Variants in TRIP10 observed in about 807,000 individuals in gnomAD.
TRIP10 encodes the protein cdc42-interacting protein 4.
A neutral mutation model predicts 80.9 loss-of-function variants in TRIP10; 54 were observed. That is an observed-to-expected ratio of 0.67 (90% CI 0.54 to 0.84). The LOEUF (loss-of-function observed/expected upper bound fraction) is 0.84, where lower values mean the gene tolerates loss of function less well. Among genes scored for constraint, TRIP10 ranks in the 40% least tolerant of loss-of-function variants. The probability of loss-of-function intolerance (pLI) is 0.00; values close to 1 mark genes in which losing one functional copy is unlikely to be tolerated. For synonymous variants in TRIP10, 321 were observed against 307.2 expected, an observed-to-expected ratio of 1.04 and a Z score of -0.47; for missense variants, 773 against 815.3, an observed-to-expected ratio of 0.95 and a Z score of 0.63.
At chr19:6,750,164 G>C (rs1004099895) in intron 12 of TRIP10, 98 bp downstream of exon 12, 20 of 1,567,334 alleles carry the variant, frequency 1.3e-5, no homozygotes, top group South Asian at 2.4e-5. Flanking sequence ...TGTTCGGAGC[G>C]GGGGGTCTCC....
chr19:6,743,365 C>T lies in TRIP10; in HGVS notation c.408+109C>T. 4 of 1,528,688 alleles carry T rather than the reference C, an allele frequency of 2.6e-6. 1 individual carries two copies. The Admixed American group carries it at 7.4e-5, about 28-fold the overall frequency. 94.7% of individuals were successfully genotyped at this position (1,528,688 alleles called of 1,614,324 possible). ...TGTCAGACCTGGACCTTCCCTCCCC[C>T]ATAGGCTTCCAGTACTCCCTTGACC... On this transcript the variant is annotated intron_variant, in intron 5 of 14. Coordinates refer to ENST00000313244, the MANE Select transcript of TRIP10 (RefSeq NM_001288962.2).
intron 3 of TRIP10, among the ~76,000 whole-genome samples, chr19:6,741,724 T>A (rs897620561): frequency 2.0e-5 from 3 of 152,084 alleles, no homozygotes; most frequent in Non-Finnish European, 4.4e-5. Context: ...TGGAATTGAG[T>A]CCCCAATTCC....
At position 6,741,243 on chromosome 19, in the gene TRIP10, T is replaced by C. The variant is rs758121199; in HGVS notation, c.159T>C (p.Tyr53=). 1.4e-5 allele frequency: 23 copies of C among 1,611,986 alleles called. No homozygotes were observed. The highest frequency in any genetic ancestry group is 1.7e-4 in the Middle Eastern group (1 of 6,056). ...AKQLRSLVKK[Y]LPKRPAKDDP... is the part of the protein sequence containing the mutation. Reference sequence around the variant, plus strand: ...CCCTTAGGAGCCTGGTGAAAAAATATCTGCCCAAGAGACCTGCCAAGGATG... The same window carrying C: ...CCCTTAGGAGCCTGGTGAAAAAATACCTGCCCAAGAGACCTGCCAAGGATG... The change falls in exon 3 of 15, where the codon TAT becomes TAC. Residue 53 remains tyrosine (Y), a synonymous_variant. Transcript: ENST00000313244.
intron 5 of TRIP10, 105 bp from the exon 6 acceptor site, chr19:6,743,389 C>A: frequency 6.6e-7 from 1 of 1,515,482 alleles, no homozygotes; most frequent in Non-Finnish European, 9.1e-7. Flanking sequence ...ACTCCCTTGA[C>A]CCCTACTTAC....
At chr19:6,741,399 G>C in intron 3 of TRIP10, 118 bp downstream of exon 3, 1 of 1,177,298 alleles carries the variant, frequency 8.5e-7, no homozygotes, top group Non-Finnish European at 1.2e-6. Context: ...TTCTAGAGGT[G>C]AGAGCATGGA....
intron 11 of TRIP10, among the ~76,000 whole-genome samples, chr19:6,747,397 T>C (rs1969167861): frequency 6.6e-6 from 1 of 152,212 alleles, no homozygotes; most frequent in African/African-American, 2.4e-5. Context: ...GTGTGAAAGC[T>C]GTCAACCTCT....
rs752292965 is a variant in TRIP10, at chr19:6,743,068, T to C, written c.299T>C (p.Leu100Pro). 1 of 1,614,198 alleles carries C rather than the reference T, an allele frequency of 6.2e-7. No homozygotes were observed. Among genetic ancestry groups the C allele is most frequent in the Non-Finnish European group, 8.5e-7 (1 of 1,180,040 alleles). ...VAENLSVRVC[L>P]ELTKYSQEMK... Reference sequence around the variant, plus strand: ...GAGAACCTCAGTGTCCGTGTATGTCTTGAGCTGACCAAGTACTCACAAGAG... The same window carrying C: ...GAGAACCTCAGTGTCCGTGTATGTCCTGAGCTGACCAAGTACTCACAAGAG... Residue 100 changes from leucine to proline, a missense_variant, in exon 4 of 15, where the codon CTT (leucine) becomes CCT (proline). Transcript: ENST00000313244.
At position 6,750,288 on chromosome 19, in the gene TRIP10, C is replaced by G; in HGVS notation, c.1396-4C>G. 6.2e-7 allele frequency: 1 copy of G among 1,613,950 alleles called. No homozygotes were observed. Among genetic ancestry groups the G allele is most frequent in the South Asian group, 1.1e-5 (1 of 91,050 alleles). On this transcript the variant is annotated splice_polypyrimidine_tract_variant and splice_region_variant and intron_variant, in intron 12 of 14. Coordinates refer to ENST00000313244, the MANE Select transcript of TRIP10 (RefSeq NM_001288962.2). ...GGAACGATTTTCCTGTCCCCTCCTC[C>G]CAGGCGTGGCTGGCAGAAGCTGAAA...
At chr19:6,739,841 CT>C in intron 1 of TRIP10, 56 bp downstream of exon 1, 9 of 1,399,238 alleles carry the variant, frequency 6.4e-6, no homozygotes, top group South Asian at 3.8e-5. Flanking sequence ...AGGCACCCCC[CT>C]TTTGTCCCCA....
Position 6,741,064 on chromosome 19 carries a change from A to C in TRIP10, c.79A>C (p.Arg27=). The change falls in exon 2 of 15, where the codon AGA becomes CGA. Residue 27 remains arginine, a synonymous_variant. Coordinates refer to ENST00000313244, the MANE Select transcript of TRIP10 (RefSeq NM_001288962.2). ...GCAGTGGGGGCTGGACCTGTTGGACAGATATGTAAAGTTCGTGAAAGAACG... is the reference window on the plus strand; with the variant it reads ...GCAGTGGGGGCTGGACCTGTTGGACCGATATGTAAAGTTCGTGAAAGAACG... ...HTQWGLDLLD[R]YVKFVKERTE... The C allele has an allele frequency of 6.2e-7, 1 of 1,613,956 alleles. No homozygotes were observed. The highest frequency in any genetic ancestry group is 8.5e-7 in the Non-Finnish European group (1 of 1,179,862).
In TRIP10 at chr19:6,750,273, T is replaced by G; in HGVS notation, c.1396-19T>G. 1 of 1,613,398 alleles carries G rather than the reference T, an allele frequency of 6.2e-7. No homozygotes were observed. Among genetic ancestry groups the G allele is most frequent in the Non-Finnish European group, 8.5e-7 (1 of 1,179,690 alleles). ...CCGGAGCTCTGCCCTGGAACGATTT[T>G]CCTGTCCCCTCCTCCCAGGCGTGGC... On this transcript the variant is annotated intron_variant, in intron 12 of 14. Coordinates refer to ENST00000313244, the MANE Select transcript of TRIP10 (RefSeq NM_001288962.2).
At chr19:6,747,093 G>T (rs1034687482) in intron 11 of TRIP10, among the ~76,000 whole-genome samples, 2 of 152,220 alleles carry the variant, frequency 1.3e-5, no homozygotes, top group Middle Eastern at 3.2e-3. Context: ...GGAGGTTGAG[G>T]CAGGAGGATC....
intron 12 of TRIP10, 83 bp from the exon 13 acceptor site, chr19:6,750,209 G>A: frequency 6.3e-7 from 1 of 1,588,238 alleles, no homozygotes; most frequent in East Asian, 2.2e-5. Flanking sequence ...CTGTGCGTGG[G>A]TGATCTCAGG....
In TRIP10 at chr19:6,744,475, T is replaced by C; in HGVS notation, c.643-79T>C. On this transcript the variant is annotated intron_variant, in intron 7 of 14. Transcript: ENST00000313244. This position sits in a 1 kb window ranked among gnomAD's most constrained non-coding sequence, Gnocchi z 4.9. ...GGGCTGGGGCCAGCGTGGAGCGCGA[T>C]CATATTTGCAGAGTGAATCACTGTG... 1 of 1,590,368 alleles carries C rather than the reference T, an allele frequency of 6.3e-7. No individual in the cohort carries two copies. Among genetic ancestry groups the C allele is most frequent in the Non-Finnish European group, 8.6e-7 (1 of 1,169,518 alleles).
Position 6,744,426 on chromosome 19 carries a change from T to C in TRIP10, c.643-128T>C. 7.3e-7 allele frequency: 1 copy of C among 1,362,782 alleles called. No homozygotes were observed. The highest frequency in any genetic ancestry group is 1.0e-6 in the Non-Finnish European group (1 of 989,228). 84.4% of individuals were successfully genotyped at this position (1,362,782 alleles called of 1,614,324 possible). On this transcript the variant is annotated intron_variant, in intron 7 of 14. Coordinates refer to ENST00000313244, the MANE Select transcript of TRIP10 (RefSeq NM_001288962.2). This position sits in a 1 kb window ranked among gnomAD's most constrained non-coding sequence, Gnocchi z 4.9. ...GGGCTGGAGTCTCTCTTCCCGACTC[T>C]GTCTTCCCCTCCAGACTGGCTTGGG...
chr19:6,743,625 G>GGT, intron 6 of TRIP10, 27 bp downstream of exon 6: 3 of 1,295,430 alleles, frequency 2.3e-6, no homozygotes, highest in South Asian at 1.2e-5. Flanking sequence ...CGGGGGGGGG[G>GGT]TGCGGGGTCT....
chr19:6,751,449 C>A lies in TRIP10; in HGVS notation c.*238C>A. On this transcript the variant is annotated 3_prime_UTR_variant, in exon 15 of 15. Transcript: ENST00000313244. The stretch of plus-strand genomic sequence containing the variant: ...TGTTTTACATCTTTTCTTTCTGCCG[C>A]TCGGCTCCGGCCATTTTGTTTTATA... 9.7e-7 allele frequency: 1 copy of A among 1,036,120 alleles called. No homozygotes were observed. The highest frequency in any genetic ancestry group is 1.3e-6 in the Non-Finnish European group (1 of 790,004). 64.2% of individuals were successfully genotyped at this position (1,036,120 alleles called of 1,614,324 possible).
intron 11 of TRIP10, among the ~76,000 whole-genome samples, chr19:6,747,873 G>A (rs1969184363): frequency 6.6e-6 from 1 of 151,884 alleles, no homozygotes; most frequent in South Asian, 2.1e-4. Context: ...GGGAGGCTGG[G>A]TAGAAGGATC....
chr19:6,743,563 C>A lies in TRIP10; in HGVS notation c.478C>A (p.Gln160Lys). 6.2e-7 allele frequency: 1 copy of A among 1,601,612 alleles called. No individual in the cohort carries two copies. Residue 160 changes from glutamine (Q) to lysine (K), a missense_variant, in exon 6 of 15, where the codon CAG becomes AAG. By Grantham distance (53) the Gln-to-Lys change is moderately conservative. Transcript: ENST00000313244. ...KAAQTAERLD[Q>K]DINATKADVE... is the part of the protein sequence containing the mutation. ...AGCCCAGACTGCTGAACGGCTAGAC[C>A]AGGATATCAACGCCACCAAGGCTGA...
Sources: allele counts gnomAD v4.1 joint callset (sites outside exome capture counted in the v4.1 genomes callset), GRCh38; gene constraint gnomAD v4.1.1; non-coding constraint Gnocchi (gnomAD v3.1); transcripts MANE v1.5; gene names NCBI Gene and HGNC (gene_info 2026-07-23, HGNC 2026-07-21).